The following PARD3 variants were observed in gnomAD, a reference collection of about 807,000 sequenced individuals.
PARD3 encodes the protein par-3 family cell polarity regulator.
A neutral mutation model predicts 155.4 loss-of-function variants in PARD3; 75 were observed. The ratio of observed to expected loss-of-function variants is 0.48; its 90% CI spans 0.40 to 0.58. The LOEUF is 0.58. PARD3 is among the 20% of genes least tolerant of loss of function. PARD3 has a pLI of 0.00. For missense variants in PARD3, 1,642 were observed against 1,721.7 expected (o/e 0.95, Z 0.82); for synonymous variants, 576 against 610.5 (o/e 0.94, Z 0.83).
intron 20 of PARD3, among the ~76,000 whole-genome samples, chr10:34,295,769 T>C (rs1408022033): frequency 6.6e-6 from 1 of 152,134 alleles, no homozygotes; most frequent in Non-Finnish European, 1.5e-5. Context: ...AAATAACCTA[T>C]ATATCTTTTT....
At chr10:34,350,637 G>GGT (rs1554835981) in intron 14 of PARD3, among the ~76,000 whole-genome samples, 16 of 150,178 alleles carry the variant, frequency 1.1e-4, no homozygotes, top group African/African-American at 2.7e-4. Context: ...TCTTGGCGGG[G>GGT]GGGGAGGGGG....
In PARD3 at chr10:34,744,634, T is replaced by C. The variant is rs1022033511; in HGVS notation, c.121-48215A>G. Among the ~76,000 whole-genome samples, 10 of 152,356 alleles carry C rather than the reference T, an allele frequency of 6.6e-5. 2 individuals carry two copies. Among genetic ancestry groups the C allele is most frequent in the African/African-American group, 1.4e-4 (6 of 41,584 alleles). The stretch of plus-strand genomic sequence containing the variant: ...TTTAATGACAAACTACAAGGAATCA[T>C]AGCGTTTACAAGGGCTGGAACAGAG... On this transcript the variant is annotated intron_variant, in intron 1 of 24. Transcript: ENST00000374788.
intron 2 of PARD3, among the ~76,000 whole-genome samples, chr10:34,643,550 AATATATTACC>A (rs1469295386): frequency 6.6e-5 from 10 of 152,278 alleles, no homozygotes; most frequent in Admixed American, 3.3e-4. Context: ...GTTATGTATA[AATATATTACC>A]ATAGAGAATT....
At chr10:34,269,293 A>G (rs1354939625) in intron 22 of PARD3, among the ~76,000 whole-genome samples, 2 of 152,188 alleles carry the variant, frequency 1.3e-5, no homozygotes, top group African/African-American at 4.8e-5. Context: ...TTCCCCATCT[A>G]TTTAATTGCC....
At chr10:34,528,964 T>C (rs1437615103) in intron 2 of PARD3, among the ~76,000 whole-genome samples, 1 of 152,114 alleles carries the variant, frequency 6.6e-6, no homozygotes, top group African/African-American at 2.4e-5. Context: ...ATGGGTGCCA[T>C]TATGAAGGAA....
At chr10:34,681,769 T>TATAGATATATATATATATATATA (rs1491145185) in intron 2 of PARD3, among the ~76,000 whole-genome samples, 1 of 14,550 alleles carries the variant, frequency 6.9e-5, no homozygotes, top group Non-Finnish European at 1.1e-4. Context: ...TATATATATA[T>TATAGATATATATATATATATATA]TTTTTTTTTT....
At chr10:34,267,341 A>T (rs1367290611) in intron 22 of PARD3, among the ~76,000 whole-genome samples, 1 of 152,184 alleles carries the variant, frequency 6.6e-6, no homozygotes, top group Non-Finnish European at 1.5e-5. Flanking sequence ...ATCCTGACAT[A>T]TCTGTGGTTA....
At chr10:34,498,629 T>C (rs373941294) in intron 3 of PARD3, among the ~76,000 whole-genome samples, 103 of 152,126 alleles carry the variant, frequency 6.8e-4, no homozygotes, top group African/African-American at 2.5e-3. Flanking sequence ...ATACAAAAAT[T>C]AGCCAAGTGT....
At chr10:34,463,376 G>GGGGAT (rs2077805287) in intron 4 of PARD3, among the ~76,000 whole-genome samples, 1 of 134,774 alleles carries the variant, frequency 7.4e-6, no homozygotes, top group African/African-American at 2.8e-5. Context: ...GGGGAGGGGA[G>GGGGAT]GGGAAGGGGA....
At chr10:34,541,889 G>T (rs1247585478) in intron 2 of PARD3, among the ~76,000 whole-genome samples, 1 of 151,900 alleles carries the variant, frequency 6.6e-6, no homozygotes, top group Admixed American at 6.6e-5. Context: ...TTTTGGGTGG[G>T]AAGGTGGGAC....
intron 2 of PARD3, among the ~76,000 whole-genome samples, chr10:34,526,005 G>A (rs1440244120): frequency 3.4e-5 from 5 of 146,772 alleles, no homozygotes; most frequent in African/African-American, 1.3e-4. Flanking sequence ...TCGCTTGAAC[G>A]TGGGAGATGG....
intron 2 of PARD3, among the ~76,000 whole-genome samples, chr10:34,629,235 A>G (rs2092138808): frequency 1.3e-5 from 2 of 152,214 alleles, no homozygotes; most frequent in African/African-American, 4.8e-5. Flanking sequence ...AACATTTTCA[A>G]TATCTTTTAG....
intron 1 of PARD3, among the ~76,000 whole-genome samples, chr10:34,805,547 A>ATAT (rs1275538718): frequency 1.5e-4 from 22 of 144,300 alleles, no homozygotes; most frequent in Non-Finnish European, 2.6e-4. Flanking sequence ...ATGTGCATAT[A>ATAT]TATATATATA....
intron 22 of PARD3, among the ~76,000 whole-genome samples, chr10:34,257,104 A>G (rs1954691139): frequency 6.6e-6 from 1 of 152,238 alleles, no homozygotes; most frequent in Admixed American, 6.5e-5. Context: ...GAAAGAAAGT[A>G]ATCAAATAGT....
At chr10:34,365,673 C>T (rs1017203764) in intron 12 of PARD3, among the ~76,000 whole-genome samples, 1 of 152,146 alleles carries the variant, frequency 6.6e-6, no homozygotes, top group Admixed American at 6.5e-5. Flanking sequence ...ACTGCAATCT[C>T]GCTTCCTGGG....
At chr10:34,666,977 T>C (rs973797335) in intron 2 of PARD3, among the ~76,000 whole-genome samples, 4 of 151,868 alleles carry the variant, frequency 2.6e-5, no homozygotes, top group African/African-American at 9.7e-5. Context: ...GGTATCAGCC[T>C]GGCCAACGTG....
intron 1 of PARD3, among the ~76,000 whole-genome samples, chr10:34,756,477 TAAAAAA>T (rs34468358): frequency 6.0e-5 from 5 of 83,272 alleles, no homozygotes; most frequent in African/African-American, 9.6e-5. Context: ...TTTTTTCTTA[TAAAAAA>T]AAAAAAAAAA....
rs1211491068 is a variant in PARD3 at position 34,362,477 on chromosome 10, T to C, written c.1708-2218A>G. On this transcript the variant is annotated intron_variant, in intron 12 of 24. Transcript: ENST00000374788. ...TCAATATACTTTTTATTTTGGTCCA[T>C]GTAGCTCAAAACAAGTGTTTTTGTT... Among the ~76,000 whole-genome samples the C allele has an allele frequency of 3.3e-5, 5 of 152,290 alleles. No individual in the cohort carries two copies. In the East Asian group the frequency reaches 5.8e-4, roughly 18 times the overall value.
At chr10:34,517,802 A>C (rs902476128) in intron 2 of PARD3, among the ~76,000 whole-genome samples, 2 of 152,206 alleles carry the variant, frequency 1.3e-5, no homozygotes, top group Admixed American at 1.3e-4. Flanking sequence ...GAAGTTACAG[A>C]GAAGAAAAAG....
Sources: allele counts gnomAD v4.1 joint callset (sites outside exome capture counted in the v4.1 genomes callset), GRCh38; gene constraint gnomAD v4.1.1; transcripts MANE v1.5; gene names NCBI Gene and HGNC (gene_info 2026-07-23, HGNC 2026-07-21).